The following LPP variants were observed in gnomAD, a reference collection of about 807,000 sequenced individuals.
The protein encoded by LPP is LIM domain containing preferred translocation partner in lipoma.
A neutral mutation model predicts 60.4 loss-of-function variants in LPP; 38 were observed. That is an observed-to-expected ratio of 0.63 (90% CI 0.49 to 0.83). The LOEUF (loss-of-function observed/expected upper bound fraction) is 0.83. LPP is among the 40% of genes least tolerant of loss of function. The probability of loss-of-function intolerance (pLI) is 0.00; values close to 1 mark genes in which losing one functional copy is unlikely to be tolerated. For synonymous variants in LPP, 328 were observed against 290.8 expected (o/e 1.13, Z -1.30); for missense variants, 902 against 783.6 (o/e 1.15, Z -1.80).
chr3:188,330,288 G>C (rs1759655200), intron 2 of LPP, among the ~76,000 whole-genome samples: 1 of 152,198 alleles, frequency 6.6e-6, no homozygotes, highest in Admixed American at 6.5e-5. Context: ...AAGGTTTGCA[G>C]ACAATGCTGC....
intron 1 of LPP, among the ~76,000 whole-genome samples, chr3:188,164,409 T>C (rs146909233): frequency 8.6e-4 from 131 of 152,338 alleles, no homozygotes; most frequent in African/African-American, 2.9e-3. Flanking sequence ...TGGAAATTCA[T>C]TTCCATTATG....
intron 10 of LPP, among the ~76,000 whole-genome samples, chr3:188,867,206 AT>A (rs1264286428): frequency 6.7e-6 from 1 of 150,166 alleles, no homozygotes; most frequent in Non-Finnish European, 1.5e-5. Context: ...TATTGTGCTT[AT>A]TTTTATTTGA....
chr3:188,845,982 G>A (rs374443742), intron 9 of LPP, among the ~76,000 whole-genome samples: 96 of 152,318 alleles, frequency 6.3e-4, no homozygotes, highest in African/African-American at 2.3e-3. Flanking sequence ...ACCAGATAAG[G>A]ATTCACACTA....
chr3:188,309,233 C>G (rs1057180387), intron 2 of LPP, among the ~76,000 whole-genome samples: 2 of 152,004 alleles, frequency 1.3e-5, no homozygotes, highest in Non-Finnish European at 2.9e-5. Context: ...ATTGGCCAGG[C>G]TGGTCTTGAA....
rs117182347 is a variant in LPP at position 188,662,360 on chromosome 3, T to C, written c.1114-45907T>C. Among the ~76,000 whole-genome samples the C allele has an allele frequency of 5.5e-4, 83 of 152,216 alleles. No homozygotes were observed. The East Asian group carries it at 0.015, about 28-fold the overall frequency. On this transcript the variant is annotated intron_variant, in intron 7 of 11. Transcript: ENST00000617246. ...AAACAGTTATTAAGATTTGGGAGAG[T>C]CAGAGGTCCCATAGATACCATGGAC...
intron 2 of LPP, chr3:188,240,066 A>C (rs1277522721): frequency 5.1e-6 from 1 of 197,358 alleles, no homozygotes; most frequent in South Asian, 1.9e-4. Flanking sequence ...GATCTCTGGT[A>C]TTGCTGTCCT....
intron 2 of LPP, among the ~76,000 whole-genome samples, chr3:188,266,617 G>A (rs1363658935): frequency 6.6e-6 from 1 of 152,028 alleles, no homozygotes; most frequent in Admixed American, 6.6e-5. Context: ...TCTCATTAAT[G>A]GCTTCCATAA....
At chr3:188,791,975 G>A (rs1222081033) in intron 9 of LPP, among the ~76,000 whole-genome samples, 1 of 152,134 alleles carries the variant, frequency 6.6e-6, no homozygotes, top group Non-Finnish European at 1.5e-5. Flanking sequence ...CTCTATTAGT[G>A]TTGGAATGGA....
intron 6 of LPP, among the ~76,000 whole-genome samples, chr3:188,564,564 C>A (rs367659678): frequency 6.6e-6 from 1 of 151,888 alleles, no homozygotes; most frequent in East Asian, 1.9e-4. Flanking sequence ...ATAAAGAAAT[C>A]GTTTCTTGGG....
intron 9 of LPP, among the ~76,000 whole-genome samples, chr3:188,772,268 C>A (rs1483110165): frequency 6.6e-6 from 1 of 152,142 alleles, no homozygotes; most frequent in African/African-American, 2.4e-5. Context: ...TGGTTGCCTA[C>A]CTTCTGCCTT....
At chr3:188,698,964 C>T (rs1352878418) in intron 7 of LPP, among the ~76,000 whole-genome samples, 6 of 152,206 alleles carry the variant, frequency 3.9e-5, no homozygotes, top group Non-Finnish European at 8.8e-5. Flanking sequence ...TGGAGAGTTA[C>T]TGGAGAGATC....
At chr3:188,721,366 C>T (rs1308426492) in intron 8 of LPP, among the ~76,000 whole-genome samples, 1 of 151,940 alleles carries the variant, frequency 6.6e-6, no homozygotes, top group East Asian at 1.9e-4. Context: ...ACCCAGGCAA[C>T]AGAGTGAGAC....
At chr3:188,356,740 A>G (rs957245167) in intron 3 of LPP, among the ~76,000 whole-genome samples, 2 of 152,200 alleles carry the variant, frequency 1.3e-5, no homozygotes, top group Non-Finnish European at 2.9e-5. Context: ...AGATTTACTA[A>G]TTGAGACCTC....
chr3:188,816,838 A>C (rs1379747380), intron 9 of LPP, among the ~76,000 whole-genome samples: 1 of 152,228 alleles, frequency 6.6e-6, no homozygotes, highest in Admixed American at 6.5e-5. Context: ...ATAATCCCTA[A>C]TACTTAGCAT....
chr3:188,859,088 TTA>T (rs1491195530), intron 9 of LPP, among the ~76,000 whole-genome samples: 50 of 88,368 alleles, frequency 5.7e-4, no homozygotes, highest in African/African-American at 2.7e-3. Context: ...GACTCTGTCT[TTA>T]AAAAAAAAAA....
At chr3:188,409,216 C>G (rs1279750602) in intron 4 of LPP, among the ~76,000 whole-genome samples, 1 of 152,194 alleles carries the variant, frequency 6.6e-6, no homozygotes, top group African/African-American at 2.4e-5. Flanking sequence ...TTGGCTCTCT[C>G]TTGCATTTCT....
chr3:188,177,713 T>G (rs1305422757), intron 1 of LPP, among the ~76,000 whole-genome samples: 1 of 152,126 alleles, frequency 6.6e-6, no homozygotes, highest in Non-Finnish European at 1.5e-5. Context: ...TTAAAGTACT[T>G]GTCTGGAGGA....
chr3:188,807,416 A>G (rs1242266386), intron 9 of LPP, among the ~76,000 whole-genome samples: 1 of 151,928 alleles, frequency 6.6e-6, no homozygotes, highest in Non-Finnish European at 1.5e-5. Flanking sequence ...TTTATTCTTT[A>G]GAAGATAGCC....
At chr3:188,704,824 T>C (rs1431983787) in intron 7 of LPP, among the ~76,000 whole-genome samples, 1 of 152,094 alleles carries the variant, frequency 6.6e-6, no homozygotes, top group East Asian at 1.9e-4. Flanking sequence ...TTGAGACTTG[T>C]CCACGTTCTT....
Sources: allele counts gnomAD v4.1 joint callset (sites outside exome capture counted in the v4.1 genomes callset), GRCh38; gene constraint gnomAD v4.1.1; transcripts MANE v1.5; gene names NCBI Gene and HGNC (gene_info 2026-07-23, HGNC 2026-07-21).